PIR: variants seen among roughly 807,000 people sequenced by gnomAD.
PIR encodes the protein pirin.
A neutral mutation model predicts 24.2 loss-of-function variants in PIR; 22 were observed. The observed-to-expected ratio is 0.91, with a 90% CI of 0.65 to 1.30. PIR has a LOEUF of 1.30. Ranked by LOEUF, PIR falls within the 50% of genes most tolerant of loss-of-function variation. The probability of loss-of-function intolerance (pLI) is 0.00; values close to 1 mark genes in which losing one functional copy is unlikely to be tolerated. For synonymous variants in PIR, 80 were observed against 79.6 expected, an observed-to-expected ratio of 1.00 and a Z score of -0.03; for missense variants, 220 against 220.3, an observed-to-expected ratio of 1.00 and a Z score of 0.01.
chrX:15,456,178 C>T, intron 4 of PIR, 124 bp from the exon 5 acceptor site: 1 of 571,783 alleles, frequency 1.7e-6, no homozygotes, highest in Non-Finnish European at 2.9e-6. Flanking sequence ...AGCCCCTGGG[C>T]ATCGAGGGGA....
intron 8 of PIR, among the ~76,000 whole-genome samples, chrX:15,394,043 A>G (rs147169964): frequency 0.018 from 1,975 of 110,990 alleles, 53 homozygotes; most frequent in African/African-American, 0.061. Context: ...CTTCCAAGAA[A>G]TTGGTCCCTG....
intron 5 of PIR, 73 bp from the exon 6 acceptor site, chrX:15,426,063 T>C (rs1925307852): frequency 1.5e-6 from 1 of 654,171 alleles, no homozygotes; most frequent in Admixed American, 2.3e-5. Flanking sequence ...CTGGCCCTTC[T>C]GTAATAGGCC....
intron 8 of PIR, among the ~76,000 whole-genome samples, chrX:15,391,497 CAT>C (rs1457925599): frequency 1.8e-5 from 2 of 112,060 alleles, no homozygotes; most frequent in African/African-American, 6.5e-5. Context: ...AAGTAATTCA[CAT>C]GTTATAATTG....
At chrX:15,404,760 G>A (rs1040279009) in intron 7 of PIR, among the ~76,000 whole-genome samples, 5 of 110,796 alleles carry the variant, frequency 4.5e-5, no homozygotes, top group Non-Finnish European at 9.4e-5. Flanking sequence ...CTCATTAACC[G>A]CCCCCCCATT....
chrX:15,459,770 A>G (rs774772777), intron 3 of PIR, 30 bp from the exon 4 acceptor site: 3 of 825,516 alleles, frequency 3.6e-6, no homozygotes, highest in Non-Finnish European at 5.5e-6. Flanking sequence ...AAAAAAGTAG[A>G]TCCTTTGCCT....
chrX:15,454,202 C>T lies in PIR; in HGVS notation c.480+1646G>A, dbSNP rs772648376. Among the ~76,000 whole-genome samples, 3 of 111,348 alleles carry T rather than the reference C, an allele frequency of 2.7e-5. No individual in the cohort carries two copies. In the South Asian group the frequency reaches 1.1e-3, roughly 42 times the overall value. On this transcript the variant is annotated intron_variant, in intron 5 of 9. Coordinates refer to ENST00000380420, the MANE Select transcript of PIR (RefSeq NM_001018109.3). The stretch of plus-strand genomic sequence containing the variant: ...CAGGAAGTCCTCACAGGATCTTAAC[C>T]CTCTTCTGCAGAGCTCAAGGGAAAG...
At chrX:15,479,681 A>T (rs1176391593) in intron 3 of PIR, 48 bp downstream of exon 3, 1 of 578,269 alleles carries the variant, frequency 1.7e-6, no homozygotes, top group Non-Finnish European at 2.7e-6. Flanking sequence ...TAGAAGAAAG[A>T]GGTATGTTTC....
intron 3 of PIR, among the ~76,000 whole-genome samples, chrX:15,472,507 A>G (rs1430075233): frequency 1.8e-5 from 2 of 112,620 alleles, no homozygotes; most frequent in African/African-American, 6.5e-5. Flanking sequence ...ATATAAAGAA[A>G]TATATATGCT....
At position 15,463,714 on chromosome X, in the gene PIR, G is replaced by T. The variant is rs1414672225; in HGVS notation, c.190-3974C>A. ...GGCAACAATGCAACACTGGCACAGG[G>T]ATAGAAGAGACCCATTTGTATGGGA... is the stretch of plus-strand genomic sequence containing the variant. On this transcript the variant is annotated intron_variant, in intron 3 of 9. Transcript: ENST00000380420. Among the ~76,000 whole-genome samples the T allele has an allele frequency of 4.5e-5, 5 of 112,296 alleles. No homozygotes were observed. The South Asian group carries it at 1.5e-3, about 33-fold the overall frequency.
At chrX:15,416,963 A>G (rs1924941624) in intron 6 of PIR, among the ~76,000 whole-genome samples, 1 of 111,692 alleles carries the variant, frequency 9.0e-6, no homozygotes, top group Non-Finnish European at 1.9e-5. Flanking sequence ...GACAGAGTCT[A>G]GCTCTGCCAC....
chrX:15,422,430 C>A lies in PIR; in HGVS notation c.565+3476G>T, dbSNP rs1397741468. 3.7e-5 allele frequency among the ~76,000 whole-genome samples: 4 copies of A among 108,979 alleles called. No homozygotes were observed. In the East Asian group the frequency reaches 1.1e-3, roughly 31 times the overall value. The allele number at this position is 108,979 out of a possible 115,157, so 94.6% of individuals were successfully genotyped here. On this transcript the variant is annotated intron_variant, in intron 6 of 9. Transcript: ENST00000380420. Reference sequence around the variant, plus strand: ...TCTTACACTAAGAAAAACTTAAAGACTCCACCAAAAAAAACCTATTAAGAC... The same window carrying A: ...TCTTACACTAAGAAAAACTTAAAGAATCCACCAAAAAAAACCTATTAAGAC...
chrX:15,468,464 G>A (rs1333237026), intron 3 of PIR, among the ~76,000 whole-genome samples: 2 of 112,819 alleles, frequency 1.8e-5, no homozygotes, highest in East Asian at 5.5e-4. Context: ...TCTTGGGCAG[G>A]TTTGGGACTC....
rs1412757910 is a variant in PIR, at chrX:15,385,074, A to G, written c.803T>C (p.Ile268Thr). 1 of 1,192,544 alleles carries G rather than the reference A, an allele frequency of 8.4e-7. No homozygotes were observed. The highest frequency in any genetic ancestry group is 1.8e-5 in the South Asian group (1 of 56,304). ...MNTNEEISQA[I>T]LDFRNAKNGF... Reference sequence around the variant, plus strand: ...ATTTTTTGCGTTTCTGAAATCAAGAATAGCTTGAGAAATCTCTTCATTGGT... The same window carrying G: ...ATTTTTTGCGTTTCTGAAATCAAGAGTAGCTTGAGAAATCTCTTCATTGGT... Residue 268 changes from isoleucine (I) to threonine (T), a missense_variant, in exon 10 of 10, where the codon ATT becomes ACT. By Grantham distance (89) the Ile-to-Thr change is moderately conservative (BLOSUM62 -1). Coordinates refer to ENST00000380420, the MANE Select transcript of PIR (RefSeq NM_001018109.3).
chrX:15,444,510 G>T lies in PIR; in HGVS notation c.480+11338C>A, dbSNP rs186698157. 3.6e-5 allele frequency among the ~76,000 whole-genome samples: 4 copies of T among 110,989 alleles called. No homozygotes were observed. The Admixed American group carries it at 3.8e-4, about 11-fold the overall frequency. ...TGGAACTGAACCCACAATATCTCTG[G>T]GGTATGCCTGTGTTCTTTTTGGTCT... On this transcript the variant is annotated intron_variant, in intron 5 of 9. Coordinates refer to ENST00000380420, the MANE Select transcript of PIR (RefSeq NM_001018109.3).
chrX:15,396,951 A>G (rs961852328), intron 8 of PIR, among the ~76,000 whole-genome samples: 10 of 111,702 alleles, frequency 9.0e-5, no homozygotes, highest in South Asian at 3.7e-4. Context: ...CGTGTTAGCC[A>G]GGATGGTCTC....
intron 6 of PIR, among the ~76,000 whole-genome samples, chrX:15,415,409 C>A (rs903626131): frequency 3.6e-5 from 4 of 111,592 alleles, no homozygotes; most frequent in Non-Finnish European, 7.5e-5. Context: ...ATGTTCATGG[C>A]ATTCTCCATC....
At chrX:15,479,592 T>C in intron 3 of PIR, 137 bp downstream of exon 3, 1 of 331,365 alleles carries the variant, frequency 3.0e-6, no homozygotes, top group Non-Finnish European at 5.4e-6. Context: ...AATTTGAGTA[T>C]ATCTTATGTA....
chrX:15,439,474 A>G (rs1224512195), intron 5 of PIR, among the ~76,000 whole-genome samples: 1 of 112,353 alleles, frequency 8.9e-6, no homozygotes, highest in African/African-American at 3.2e-5. Context: ...TGCTTCCATT[A>G]TATTTTTATT....
chrX:15,431,162 C>T (rs924200401), intron 5 of PIR, among the ~76,000 whole-genome samples: 1 of 111,445 alleles, frequency 9.0e-6, no homozygotes, highest in South Asian at 3.8e-4. Flanking sequence ...TTAATGAGTG[C>T]CAATCCCCAA....
Sources: gnomAD v4.1 joint callset for allele counts (sites outside exome capture counted in the v4.1 genomes callset) on GRCh38, gnomAD v4.1.1 for gene constraint, MANE v1.5 for transcripts, NCBI Gene and HGNC (gene_info 2026-07-23, HGNC 2026-07-21) for gene names.